Variants in WASF1 observed in about 807,000 individuals in gnomAD.
WASF1 encodes the protein actin-binding protein WASF1.
A neutral mutation model predicts 50.5 loss-of-function variants in WASF1; 7 were observed. That is an observed-to-expected ratio of 0.14 (90% confidence interval 0.08 to 0.26). WASF1 has a LOEUF of 0.26. WASF1 is among the 10% of genes least tolerant of loss of function. The pLI, the probability that WASF1 is intolerant of heterozygous loss-of-function variation, is 1.00. For synonymous variants in WASF1, 205 were observed against 244.0 expected (o/e 0.84, Z 1.49); for missense variants, 470 against 694.7 (o/e 0.68, Z 3.64).
intron 3 of WASF1, among the ~76,000 whole-genome samples, chr6:110,132,509 T>C (rs1378047651): frequency 6.6e-6 from 1 of 151,954 alleles, no homozygotes; most frequent in Non-Finnish European, 1.5e-5. Context: ...TATAGACACC[T>C]TTTAATAGAT....
intron 1 of WASF1, among the ~76,000 whole-genome samples, chr6:110,179,049 G>T (rs927784247): frequency 2.6e-5 from 4 of 152,264 alleles, no homozygotes; most frequent in Admixed American, 2.0e-4. Flanking sequence ...GGCGAGCAGG[G>T]GATTCTCTGT....
chr6:110,115,847 G>A (rs1362868509), intron 4 of WASF1, among the ~76,000 whole-genome samples: 1 of 152,192 alleles, frequency 6.6e-6, no homozygotes, highest in East Asian at 1.9e-4. Flanking sequence ...TGACCTCACA[G>A]GGTTTTTAAC....
At chr6:110,155,553 T>TA (rs1776028985) in intron 3 of WASF1, among the ~76,000 whole-genome samples, 2 of 120,278 alleles carry the variant, frequency 1.7e-5, no homozygotes, top group South Asian at 5.7e-4. Flanking sequence ...TTTTTTTTTT[T>TA]TTTTTTTTTT....
intron 3 of WASF1, among the ~76,000 whole-genome samples, chr6:110,131,845 T>C (rs1774687717): frequency 6.6e-6 from 1 of 152,166 alleles, no homozygotes; most frequent in Non-Finnish European, 1.5e-5. Flanking sequence ...CTCTCCAATC[T>C]TGTTCTCCAA....
intron 3 of WASF1, among the ~76,000 whole-genome samples, chr6:110,146,374 A>C (rs1775561410): frequency 6.6e-6 from 1 of 151,632 alleles, no homozygotes; most frequent in Non-Finnish European, 1.5e-5. Context: ...TTTGAGTATA[A>C]GAATGTTTAA....
At chr6:110,123,772 C>T (rs879401355) in intron 4 of WASF1, among the ~76,000 whole-genome samples, 1 of 152,034 alleles carries the variant, frequency 6.6e-6, no homozygotes, top group Non-Finnish European at 1.5e-5. Context: ...GGAAGCATCC[C>T]AAATGGAAGA....
At chr6:110,111,704 GATCCATACAGACAA>G (rs1380873166) in intron 5 of WASF1, among the ~76,000 whole-genome samples, 3 of 152,090 alleles carry the variant, frequency 2.0e-5, no homozygotes, top group African/African-American at 7.2e-5. Context: ...CATACAGACA[GATCCATACAGACAA>G]ATCCATAGAG....
At chr6:110,112,577 T>A (rs543253358) in intron 5 of WASF1, among the ~76,000 whole-genome samples, 1 of 152,148 alleles carries the variant, frequency 6.6e-6, no homozygotes, top group Non-Finnish European at 1.5e-5. Flanking sequence ...TAATAAGACT[T>A]TAGCAATATG....
intron 3 of WASF1, among the ~76,000 whole-genome samples, chr6:110,148,435 TA>T (rs1254275540): frequency 6.6e-6 from 1 of 152,122 alleles, no homozygotes; most frequent in Admixed American, 6.5e-5. Context: ...CTTAAGGAAG[TA>T]ATATTTAAAT....
chr6:110,116,801 G>T (rs1773833402), intron 4 of WASF1, among the ~76,000 whole-genome samples: 1 of 152,118 alleles, frequency 6.6e-6, no homozygotes, highest in Non-Finnish European at 1.5e-5. Context: ...AAACAGGTGG[G>T]TGCCCCTCTG....
intron 3 of WASF1, among the ~76,000 whole-genome samples, chr6:110,133,153 T>C (rs1303065638): frequency 2.0e-5 from 3 of 152,046 alleles, no homozygotes; most frequent in Non-Finnish European, 4.4e-5. Flanking sequence ...TGATAAGCAT[T>C]TGGGCTGGTT....
At chr6:110,145,603 A>T (rs562156836) in intron 3 of WASF1, among the ~76,000 whole-genome samples, 63 of 152,258 alleles carry the variant, frequency 4.1e-4, no homozygotes, top group African/African-American at 1.4e-3. Context: ...GGTTTGTCAT[A>T]GGTAGCTCTT....
intron 3 of WASF1, among the ~76,000 whole-genome samples, chr6:110,144,447 T>C (rs965625123): frequency 1.3e-5 from 2 of 152,256 alleles, no homozygotes; most frequent in Non-Finnish European, 1.5e-5. Flanking sequence ...TCTTTTGCTG[T>C]GCAGAAGCTC....
intron 2 of WASF1, among the ~76,000 whole-genome samples, chr6:110,163,687 C>T (rs1201252325): frequency 6.6e-6 from 1 of 151,482 alleles, no homozygotes; most frequent in African/African-American, 2.4e-5. Flanking sequence ...CAACACAATC[C>T]TAATCAAAAT....
Position 110,102,065 on chromosome 6 carries a change from G to C in WASF1, c.1045C>G (p.Pro349Ala). 2.0e-6 allele frequency: 3 copies of C among 1,516,136 alleles called. No homozygotes were observed. The highest frequency in any genetic ancestry group is 2.6e-6 in the Non-Finnish European group (3 of 1,133,374). The allele number at this position is 1,516,136 out of a possible 1,614,324, so 93.9% of individuals were successfully genotyped here. A position where few individuals can be genotyped will look rare whatever the true frequency, so the allele number is the denominator to read the frequency against. The change falls in exon 10 of 11, where the codon CCC becomes GCC. Residue 349 changes from proline (P) to alanine (A), a missense_variant. Coordinates refer to ENST00000392589, the MANE Select transcript of WASF1 (RefSeq NM_003931.3). ...SLRASMTSTP[P>A]PPVPPPPPPP... ...GGAGGTGGGGGAGGTACTGGAGGGG[G>C]AGGAGTTGAAGTCATTGAAGCTCTT...
chr6:110,142,626 T>TA (rs1050657359), intron 3 of WASF1, among the ~76,000 whole-genome samples: 2 of 151,958 alleles, frequency 1.3e-5, no homozygotes, highest in African/African-American at 2.4e-5. Flanking sequence ...AAAAGAATTT[T>TA]AAAAAAATCA....
intron 3 of WASF1, among the ~76,000 whole-genome samples, chr6:110,142,665 A>T (rs1775300917): frequency 6.6e-6 from 1 of 152,114 alleles, no homozygotes; most frequent in African/African-American, 2.4e-5. Flanking sequence ...AAATGCTAAA[A>T]GGTATAATTT....
chr6:110,123,818 T>C (rs1309420597), intron 4 of WASF1, among the ~76,000 whole-genome samples: 1 of 152,144 alleles, frequency 6.6e-6, no homozygotes, highest in African/African-American at 2.4e-5. Context: ...TATTCAACAA[T>C]TGGTAGGGAT....
intron 7 of WASF1, among the ~76,000 whole-genome samples, chr6:110,106,630 G>A (rs1412986240): frequency 6.6e-6 from 1 of 152,226 alleles, no homozygotes. Flanking sequence ...ACATTTAGGA[G>A]AGAAATGTTT....
Sources: gnomAD v4.1 joint callset for allele counts (sites outside exome capture counted in the v4.1 genomes callset) on GRCh38, gnomAD v4.1.1 for gene constraint, MANE v1.5 for transcripts, NCBI Gene and HGNC (gene_info 2026-07-23, HGNC 2026-07-21) for gene names.